SLC26A5: variants seen among roughly 807,000 people sequenced by gnomAD.
SLC26A5 encodes solute carrier family 26 member 5.
A neutral mutation model predicts 81.0 loss-of-function variants in SLC26A5; 51 were observed. That is an observed-to-expected ratio of 0.63 (90% CI 0.50 to 0.80). The LOEUF is 0.80. Among genes scored for constraint, SLC26A5 ranks in the 30% least tolerant of loss-of-function variants. SLC26A5 has a pLI of 0.00. For missense variants in SLC26A5, 771 were observed against 905.8 expected (o/e 0.85, Z 1.91); for synonymous variants, 325 against 332.8 (o/e 0.98, Z 0.25).
chr7:103,440,616 A>G (rs1278856148), intron 2 of SLC26A5, among the ~76,000 whole-genome samples: 1 of 152,226 alleles, frequency 6.6e-6, no homozygotes, highest in African/African-American at 2.4e-5. Flanking sequence ...CAAGTGCCCA[A>G]TACTACTAAA....
At chr7:103,406,522 C>T (rs144435102) in intron 8 of SLC26A5, among the ~76,000 whole-genome samples, 1 of 152,252 alleles carries the variant, frequency 6.6e-6, no homozygotes, top group African/African-American at 2.4e-5. Context: ...CATTGTCTAA[C>T]CATGCCCAAT....
downstream of SLC26A5, among the ~76,000 whole-genome samples, chr7:103,373,511 G>A (rs1425777926): frequency 2.6e-5 from 4 of 152,136 alleles, no homozygotes; most frequent in African/African-American, 9.7e-5. Context: ...CTACAGGACC[G>A]CTGCCCCAGT....
chr7:103,403,337 G>C (rs181508682), intron 8 of SLC26A5, among the ~76,000 whole-genome samples: 137 of 152,296 alleles, frequency 9.0e-4, no homozygotes, highest in African/African-American at 3.2e-3. Flanking sequence ...TGAGAAGAAT[G>C]AATATTCTGT....
At chr7:103,404,204 T>C (rs1473328246) in intron 8 of SLC26A5, among the ~76,000 whole-genome samples, 2 of 152,122 alleles carry the variant, frequency 1.3e-5, no homozygotes, top group Non-Finnish European at 2.9e-5. Flanking sequence ...AATATTGTTA[T>C]GTGTGAATTT....
chr7:103,370,780 T>C (rs1269931112), downstream of SLC26A5, among the ~76,000 whole-genome samples: 1 of 152,188 alleles, frequency 6.6e-6, no homozygotes, highest in Non-Finnish European at 1.5e-5. Flanking sequence ...TTCAAACATA[T>C]TCCAACGATT....
At chr7:103,415,756 A>G (rs989879803) in intron 4 of SLC26A5, among the ~76,000 whole-genome samples, 5 of 151,720 alleles carry the variant, frequency 3.3e-5, no homozygotes, top group Admixed American at 2.0e-4. Context: ...CTGGTATTCT[A>G]TTTTACTATG....
At chr7:103,389,961 T>C (rs1822515038) in intron 12 of SLC26A5, among the ~76,000 whole-genome samples, 1 of 152,148 alleles carries the variant, frequency 6.6e-6, no homozygotes, top group Non-Finnish European at 1.5e-5. Context: ...CAAACCTGCA[T>C]GGTGGCCAAG....
chr7:103,440,161 GA>G (rs1426026320), intron 2 of SLC26A5, among the ~76,000 whole-genome samples: 1 of 152,090 alleles, frequency 6.6e-6, no homozygotes, highest in Non-Finnish European at 1.5e-5. Flanking sequence ...GGCATAGGGG[GA>G]ACTCATTAGA....
chr7:103,406,989 C>T lies in SLC26A5; in HGVS notation c.888+862G>A, dbSNP rs143230492. On this transcript the variant is annotated intron_variant, in intron 8 of 19. Coordinates refer to ENST00000306312, the MANE Select transcript of SLC26A5 (RefSeq NM_198999.3). Reference sequence around the variant, plus strand: ...TTCTTATCCTTGCCGCTCCCACACACGTGCAAACAAGCCCCAGGGTGCTAA... The same window carrying T: ...TTCTTATCCTTGCCGCTCCCACACATGTGCAAACAAGCCCCAGGGTGCTAA... Among the ~76,000 whole-genome samples, 236 of 152,302 alleles carry T rather than the reference C, an allele frequency of 1.5e-3. 1 individual carries two copies. Among genetic ancestry groups the T allele is most frequent in the African/African-American group, 5.6e-3 (233 of 41,572 alleles).
At chr7:103,375,953 C>T (rs1231926485) in intron 19 of SLC26A5, among the ~76,000 whole-genome samples, 11 of 150,734 alleles carry the variant, frequency 7.3e-5, no homozygotes, top group Admixed American at 7.3e-4. Flanking sequence ...GATGGGGTTT[C>T]ACCGTGTTAG....
Position 103,381,577 on chromosome 7 carries a change from TAC to T in SLC26A5, c.1515-1030_1515-1029del, listed in dbSNP as rs200901196. Among the ~76,000 whole-genome samples, 10 of 147,028 alleles carry T rather than the reference TAC, an allele frequency of 6.8e-5. No individual in the cohort carries two copies. In the East Asian group the frequency reaches 8.1e-4, roughly 12 times the overall value. Reference sequence around the variant, plus strand: ...CACCACACACACCCCTACATACATATACACACACACATGCATACACACCACAC... The same window carrying T: ...CACCACACACACCCCTACATACATATACACACACATGCATACACACCACAC... On this transcript the variant is annotated intron_variant, in intron 14 of 19. Coordinates refer to ENST00000306312, the MANE Select transcript of SLC26A5 (RefSeq NM_198999.3).
intron 14 of SLC26A5, among the ~76,000 whole-genome samples, chr7:103,382,677 G>A (rs1243252397): frequency 6.6e-6 from 1 of 151,932 alleles, no homozygotes; most frequent in Non-Finnish European, 1.5e-5. Context: ...CTTTGTAAAG[G>A]ACCATCTGGC....
chr7:103,428,980 A>G (rs553312017), intron 2 of SLC26A5, among the ~76,000 whole-genome samples: 4 of 152,256 alleles, frequency 2.6e-5, no homozygotes, highest in African/African-American at 9.6e-5. Flanking sequence ...GTTTCCTTTG[A>G]TTAATTTCTC....
downstream of SLC26A5, chr7:103,369,255 C>A (rs912255776): frequency 2.0e-5 from 3 of 152,070 alleles, no homozygotes; most frequent in Admixed American, 6.6e-5. Flanking sequence ...TCTTTTTTAA[C>A]CCTGCCCTAA....
chr7:103,374,406 T>TCAGGAGTGG lies in SLC26A5; in HGVS notation c.2219_2227dup (p.Ala740_Pro742dup), dbSNP rs1304882461. ...CTAGGGTGAGGTCCTCATCTATGCC[T>TCAGGAGTGG]CAGGAGTGGCAGGAGTGGCATTGGG... On this transcript the variant is annotated inframe_insertion, in exon 20 of 20. Coordinates refer to ENST00000306312, the MANE Select transcript of SLC26A5 (RefSeq NM_198999.3). The TCAGGAGTGG allele has an allele frequency of 6.2e-6, 10 of 1,612,240 alleles. No homozygotes were observed. The highest frequency in any genetic ancestry group is 8.5e-6 in the Non-Finnish European group (10 of 1,179,996).
At chr7:103,379,481 ACC>A in intron 15 of SLC26A5, 146 bp from the exon 16 acceptor site, 11 of 462,650 alleles carry the variant, frequency 2.4e-5, no homozygotes, top group South Asian at 1.0e-4. Flanking sequence ...TCACACACAG[ACC>A]AAAAAAAAAA....
Position 103,420,760 on chromosome 7 carries a change from T to G in SLC26A5, c.270A>C (p.Thr90=), listed in dbSNP as rs1456932234. 1 of 1,614,160 alleles carries G rather than the reference T, an allele frequency of 6.2e-7. No homozygotes were observed. The highest frequency in any genetic ancestry group is 8.5e-7 in the Non-Finnish European group (1 of 1,180,014). Residue 90 remains threonine (T), a synonymous_variant, in exon 4 of 20, where the codon ACA becomes ACC. Transcript: ENST00000306312. ...VLGDLVSGIS[T]GVLQLPQGLA... is the part of the protein sequence containing the mutation. ...GACCTTGAGGAAGCTGAAGCACCCC[T>G]GTGCTTATGCCTGAGACCAAGTCAC...
intron 8 of SLC26A5, among the ~76,000 whole-genome samples, chr7:103,404,815 C>T (rs1303395178): frequency 6.6e-6 from 1 of 152,162 alleles, no homozygotes; most frequent in Non-Finnish European, 1.5e-5. Context: ...CTTTCAGGTA[C>T]ACCAGTCAAA....
At chr7:103,402,456 C>G (rs7787905) in intron 8 of SLC26A5, among the ~76,000 whole-genome samples, 48,890 of 148,028 alleles carry the variant, frequency 0.33, 11,276 homozygotes, top group African/African-American at 0.66. Flanking sequence ...CTGGAGTGCA[C>G]TAGTGTGATC....
Sources: gnomAD v4.1 joint callset for allele counts (sites outside exome capture counted in the v4.1 genomes callset) on GRCh38, gnomAD v4.1.1 for gene constraint, MANE v1.5 for transcripts, NCBI Gene and HGNC (gene_info 2026-07-23, HGNC 2026-07-21) for gene names.